Variants in KCNG2 observed in about 807,000 individuals in gnomAD.
The protein encoded by KCNG2 is voltage-gated potassium channel regulatory subunit KCNG2.
Under a neutral mutation model 12.3 loss-of-function variants are expected in KCNG2, and 7 were observed. That is an observed-to-expected ratio of 0.57 (90% CI 0.32 to 1.07). The LOEUF (loss-of-function observed/expected upper bound fraction) is 1.07, where lower values mean the gene tolerates loss of function less well. Ranked by LOEUF, KCNG2 falls within the 50% of genes least tolerant of loss-of-function variation. The pLI is 0.04. For missense variants in KCNG2, 703 were observed against 726.0 expected, an observed-to-expected ratio of 0.97 and a Z score of 0.36; for synonymous variants, 414 against 351.4, an observed-to-expected ratio of 1.18 and a Z score of -1.99.
At chr18:79,839,962 G>A (rs1978410752) in intron 1 of KCNG2, among the ~76,000 whole-genome samples, 1 of 152,132 alleles carries the variant, frequency 6.6e-6, no homozygotes, top group African/African-American at 2.4e-5. Context: ...GAATCAAGGG[G>A]AAGTTTCTTG....
chr18:79,834,314 AAT>A (rs1287212147), intron 1 of KCNG2, among the ~76,000 whole-genome samples: 1 of 152,216 alleles, frequency 6.6e-6, no homozygotes, highest in Non-Finnish European at 1.5e-5. Flanking sequence ...CATGTTTTAC[AAT>A]AGGTTGCAGC....
chr18:79,879,788 G>A (rs969796150), intron 3 of KCNG2, among the ~76,000 whole-genome samples: 2 of 152,104 alleles, frequency 1.3e-5, no homozygotes, highest in African/African-American at 2.4e-5. Context: ...GGAAACGCAC[G>A]CGTGTCAAGG....
chr18:79,848,428 G>C (rs1978697606), intron 1 of KCNG2, among the ~76,000 whole-genome samples: 1 of 152,286 alleles, frequency 6.6e-6, no homozygotes, highest in East Asian at 1.9e-4. Context: ...CTGCAGCACC[G>C]GCCATCGTCA....
intron 2 of KCNG2, among the ~76,000 whole-genome samples, chr18:79,860,409 A>G (rs1979168920): frequency 6.6e-6 from 1 of 152,234 alleles, no homozygotes; most frequent in African/African-American, 2.4e-5. Flanking sequence ...ATACATGAGC[A>G]TGGAATGTCT....
At chr18:79,813,433 C>T (rs1038427573) in intron 1 of KCNG2, among the ~76,000 whole-genome samples, 14 of 152,194 alleles carry the variant, frequency 9.2e-5, no homozygotes, top group African/African-American at 3.4e-4. Flanking sequence ...ACAATAAAAA[C>T]TCCCAGAAAA....
chr18:79,843,492 G>T (rs994680776), intron 1 of KCNG2, among the ~76,000 whole-genome samples: 15 of 152,104 alleles, frequency 9.9e-5, no homozygotes, highest in African/African-American at 3.4e-4. Flanking sequence ...TGTAACCCCA[G>T]CATAAAAGTA....
chr18:79,863,610 G>A lies in KCNG2; in HGVS notation c.-40-18G>A. On this transcript the variant is annotated intron_variant, in intron 2 of 3. Coordinates refer to ENST00000316249, the MANE Select transcript of KCNG2 (RefSeq NM_012283.2). ...AGCTCAGCCCTCGCGACCCTAACGC[G>A]GTCCGTTCCTTTTGCAGGAGCCGGG... The A allele has an allele frequency of 2.5e-6, 3 of 1,187,204 alleles. No individual in the cohort carries two copies. Among genetic ancestry groups the A allele is most frequent in the South Asian group, 4.1e-5 (1 of 24,558 alleles). 73.5% of individuals were successfully genotyped at this position (1,187,204 alleles called of 1,614,324 possible).
intron 1 of KCNG2, among the ~76,000 whole-genome samples, chr18:79,826,148 G>A (rs1437199121): frequency 6.6e-6 from 1 of 152,260 alleles, no homozygotes; most frequent in African/African-American, 2.4e-5. Flanking sequence ...CTCTGTGGCC[G>A]TTGGCAAGGC....
At chr18:79,814,991 C>A (rs2087518667) in intron 1 of KCNG2, among the ~76,000 whole-genome samples, 1 of 151,272 alleles carries the variant, frequency 6.6e-6, no homozygotes, top group East Asian at 1.9e-4. Context: ...GTCAGGAAGT[C>A]TTCCCAGAGA....
At position 79,899,791 on chromosome 18, in the gene KCNG2, C is replaced by A. The variant is rs1290125251; in HGVS notation, c.1376C>A (p.Ala459Glu). 9 of 1,443,462 alleles carry A rather than the reference C, an allele frequency of 6.2e-6. No homozygotes were observed. In the South Asian group the frequency reaches 1.3e-4, roughly 21 times the overall value. 89.4% of individuals were successfully genotyped at this position (1,443,462 alleles called of 1,614,324 possible). The change falls in exon 4 of 4, where the codon GCG (alanine) becomes GAG (glutamate). Residue 459 changes from alanine to glutamate, a missense_variant. Coordinates refer to ENST00000316249, the MANE Select transcript of KCNG2 (RefSeq NM_012283.2). Reference protein sequence around the residue: ...SAGLADDSADALWVRAGR With the variant: ...SAGLADDSADELWVRAGR ...GGCCTGGCCGACGACTCCGCGGATG[C>A]GCTGTGGGTGCGGGCAGGGCGCTGA...
intron 1 of KCNG2, among the ~76,000 whole-genome samples, chr18:79,844,980 T>C (rs1978575528): frequency 2.6e-5 from 4 of 152,246 alleles, no homozygotes; most frequent in African/African-American, 9.6e-5. Flanking sequence ...GAAATGCTTA[T>C]ACCACTGTGT....
chr18:79,888,069 A>C (rs1980596714), intron 3 of KCNG2, among the ~76,000 whole-genome samples: 1 of 152,106 alleles, frequency 6.6e-6, no homozygotes, highest in African/African-American at 2.4e-5. Context: ...CATGTATTTT[A>C]CCACAGTTTT....
intron 1 of KCNG2, among the ~76,000 whole-genome samples, chr18:79,814,514 T>C (rs2087514420): frequency 6.6e-6 from 1 of 152,204 alleles, no homozygotes; most frequent in Admixed American, 6.5e-5. Flanking sequence ...GCCATTCCAT[T>C]TGCACGGCAT....
chr18:79,879,623 G>A (rs982622115), intron 3 of KCNG2, among the ~76,000 whole-genome samples: 1 of 152,206 alleles, frequency 6.6e-6, no homozygotes, highest in African/African-American at 2.4e-5. Context: ...GCAGGGGGAA[G>A]ATGCACCGCT....
intron 1 of KCNG2, among the ~76,000 whole-genome samples, chr18:79,849,169 G>A (rs1424691549): frequency 6.6e-6 from 1 of 152,168 alleles, no homozygotes; most frequent in Non-Finnish European, 1.5e-5. Flanking sequence ...CTTAGAGGGA[G>A]CCCAGACCTC....
chr18:79,862,350 T>G (rs1979252362), intron 2 of KCNG2, among the ~76,000 whole-genome samples: 1 of 152,260 alleles, frequency 6.6e-6, no homozygotes, highest in African/African-American at 2.4e-5. Flanking sequence ...CACTGATGTC[T>G]GTTCCAATAG....
intron 3 of KCNG2, among the ~76,000 whole-genome samples, chr18:79,898,138 G>A (rs1459750932): frequency 6.6e-6 from 1 of 152,176 alleles, no homozygotes; most frequent in African/African-American, 2.4e-5. Flanking sequence ...CGTTGAGAGT[G>A]CCCTTCGGTG....
chr18:79,894,509 T>C (rs865990427), intron 3 of KCNG2, among the ~76,000 whole-genome samples: 5 of 96,024 alleles, frequency 5.2e-5, no homozygotes, highest in East Asian at 3.3e-4. Flanking sequence ...GTTGGGTCTG[T>C]GTCTGCTTTT....
chr18:79,830,781 C>CTTG, intron 1 of KCNG2, among the ~76,000 whole-genome samples: 6 of 145,268 alleles, frequency 4.1e-5, no homozygotes, highest in African/African-American at 5.2e-5. Flanking sequence ...AGGAGGGTTC[C>CTTG]CTGCGGACAG....
Sources: gnomAD v4.1 joint callset for allele counts (sites outside exome capture counted in the v4.1 genomes callset) on GRCh38, gnomAD v4.1.1 for gene constraint, MANE v1.5 for transcripts, NCBI Gene and HGNC (gene_info 2026-07-23, HGNC 2026-07-21) for gene names.